Variants in POLN observed in about 807,000 individuals in gnomAD.
POLN encodes DNA polymerase nu.
In POLN, 108 loss-of-function variants were observed where a neutral mutation model predicts 113.5. That is an observed-to-expected ratio of 0.95 (90% confidence interval 0.81 to 1.12). The LOEUF (loss-of-function observed/expected upper bound fraction) is 1.12. Ranked by LOEUF, POLN falls within the 50% of genes most tolerant of loss-of-function variation. POLN has a pLI of 0.00. For missense variants in POLN, 1,097 were observed against 1,077.1 expected (o/e 1.02, Z -0.26); for synonymous variants, 386 against 391.5 (o/e 0.99, Z 0.17).
chr4:2,107,160 G>C (rs1448250337), intron 19 of POLN, among the ~76,000 whole-genome samples: 1 of 152,006 alleles, frequency 6.6e-6, no homozygotes, highest in East Asian at 1.9e-4. Flanking sequence ...TATTTAGGGA[G>C]GTAATTTCTG....
At chr4:2,136,640 AGTGG>A (rs1731865187) in intron 16 of POLN, among the ~76,000 whole-genome samples, 2 of 152,246 alleles carry the variant, frequency 1.3e-5, no homozygotes, top group Non-Finnish European at 2.9e-5. Context: ...AGTAGCTGTT[AGTGG>A]AATGCTATGC....
intron 7 of POLN, among the ~76,000 whole-genome samples, chr4:2,182,062 G>A (rs550935661): frequency 2.0e-5 from 3 of 151,938 alleles, no homozygotes; most frequent in Non-Finnish European, 2.9e-5. Context: ...ATACAGCGTA[G>A]TATCGACACA....
At chr4:2,157,983 G>A (rs531888596) in intron 14 of POLN, 72 bp from the exon 15 acceptor site, 43 of 1,221,680 alleles carry the variant, frequency 3.5e-5, no homozygotes, top group African/African-American at 6.1e-5. Flanking sequence ...AAGGAGTCTC[G>A]CTCCATTGCC....
At chr4:2,134,351 T>C (rs1337861158) in intron 16 of POLN, among the ~76,000 whole-genome samples, 2 of 152,208 alleles carry the variant, frequency 1.3e-5, no homozygotes, top group Non-Finnish European at 2.9e-5. Context: ...TGGACATAAG[T>C]TTTCAAATTA....
chr4:2,170,644 TTC>T (rs1452455878), intron 13 of POLN, 33 bp downstream of exon 13: 1 of 1,567,350 alleles, frequency 6.4e-7, no homozygotes, highest in East Asian at 2.2e-5. Context: ...CATGCTGTCA[TTC>T]TAAAAAGAAA....
chr4:2,156,790 G>C lies in POLN; in HGVS notation c.1729C>G (p.Pro577Ala). 1 of 1,610,974 alleles carries C rather than the reference G, an allele frequency of 6.2e-7. No individual in the cohort carries two copies. The highest frequency in any genetic ancestry group is 8.5e-7 in the Non-Finnish European group (1 of 1,177,032). The change falls in exon 16 of 26, where the codon CCT becomes GCT. Residue 577 changes from proline to alanine, a missense_variant and splice_region_variant. Pro to Ala is a conservative substitution (Grantham distance 27). Coordinates refer to ENST00000511885, the MANE Select transcript of POLN (RefSeq NM_181808.4). The stretch of plus-strand genomic sequence containing the variant: ...AGACAGTTGTTTAAACAACTTACAG[G>C]ATGCTTGGCTGAAAGTCTTCCAGTC... The part of the protein sequence containing the change: ...TVTGRLSAKH[P>A]NIQGISKHPI...
rs1577799069 is a variant in POLN, at chr4:2,236,758, G to C, written c.-13+4762C>G. 2.0e-5 allele frequency among the ~76,000 whole-genome samples: 3 copies of C among 152,014 alleles called. No individual in the cohort carries two copies. In the South Asian group the frequency reaches 6.2e-4, roughly 32 times the overall value. On this transcript the variant is annotated intron_variant, in intron 2 of 25. Transcript: ENST00000511885. ...TGCACCTATAGTCCCAGATACTCCG[G>C]AGGCTGAGGCAGGAGGATTGCTTGA...
intron 16 of POLN, among the ~76,000 whole-genome samples, chr4:2,151,829 T>C (rs762329803): frequency 6.6e-6 from 1 of 151,148 alleles, no homozygotes; most frequent in Non-Finnish European, 1.5e-5. Context: ...AGATGAGGAG[T>C]GGGGAGGGAG....
chr4:2,176,168 G>C (rs574680553), intron 9 of POLN, 98 bp downstream of exon 9: 6 of 948,642 alleles, frequency 6.3e-6, no homozygotes, highest in Non-Finnish European at 1.0e-5. Context: ...TCAACGTTTC[G>C]TTTCCTTCAC....
At chr4:2,176,483 C>T (rs752230256) in intron 8 of POLN, 149 bp from the exon 9 acceptor site, 2 of 599,224 alleles carry the variant, frequency 3.3e-6, no homozygotes, top group East Asian at 3.2e-5. Flanking sequence ...GTAGTATCAC[C>T]AAACACCTCG....
intron 6 of POLN, among the ~76,000 whole-genome samples, chr4:2,194,759 C>T (rs1330716467): frequency 6.6e-6 from 1 of 152,048 alleles, no homozygotes; most frequent in East Asian, 1.9e-4. Flanking sequence ...TGGTGCATGC[C>T]TGTAGTCCTA....
chr4:2,091,907 C>T (rs2108697203), intron 20 of POLN, among the ~76,000 whole-genome samples: 1 of 152,322 alleles, frequency 6.6e-6, no homozygotes, highest in East Asian at 1.9e-4. Flanking sequence ...GCTTTCACTC[C>T]TGTTTATGTC....
chr4:2,187,983 G>A (rs988758366), intron 7 of POLN, among the ~76,000 whole-genome samples: 3 of 152,110 alleles, frequency 2.0e-5, no homozygotes, highest in African/African-American at 7.2e-5. Flanking sequence ...GGGTGTGGTA[G>A]AACACACCTA....
chr4:2,145,693 A>G (rs570837944), intron 16 of POLN, among the ~76,000 whole-genome samples: 1 of 152,330 alleles, frequency 6.6e-6, no homozygotes, highest in Admixed American at 6.5e-5. Context: ...ATCACACTGC[A>G]GGTGAGAACA....
intron 8 of POLN, among the ~76,000 whole-genome samples, chr4:2,178,587 C>G (rs34972576): frequency 0.085 from 12,817 of 150,952 alleles, 825 homozygotes; most frequent in African/African-American, 0.17. Flanking sequence ...CTCTAGCAGG[C>G]GAAGGCCTGG....
At position 2,197,025 on chromosome 4, in the gene POLN, G is replaced by A. The variant is rs35388592; in HGVS notation, c.908+1499C>T. 7.1e-4 allele frequency among the ~76,000 whole-genome samples: 108 copies of A among 152,268 alleles called. 1 individual carries two copies. Among genetic ancestry groups the A allele is most frequent in the African/African-American group, 2.5e-3 (105 of 41,538 alleles). On this transcript the variant is annotated intron_variant, in intron 6 of 25. Transcript: ENST00000511885. Reference sequence around the variant, plus strand: ...GAGGTGAGGTTGAAGACAGCGGAGGGGCCAGAGTAAGCAGACCTCGAGGGC... The same window carrying A: ...GAGGTGAGGTTGAAGACAGCGGAGGAGCCAGAGTAAGCAGACCTCGAGGGC...
chr4:2,088,931 G>A, intron 20 of POLN: 1 of 1,100,830 alleles, frequency 9.1e-7, no homozygotes, highest in Non-Finnish European at 1.3e-6. Context: ...AAAAGCTGAA[G>A]GTCTAGCAGC....
intron 7 of POLN, among the ~76,000 whole-genome samples, chr4:2,185,070 A>G (rs1254387667): frequency 6.6e-6 from 1 of 152,258 alleles, no homozygotes; most frequent in African/African-American, 2.4e-5. Context: ...TAGCTAATAA[A>G]TGAAGAAAGC....
chr4:2,212,440 T>A (rs1734015028), intron 4 of POLN, among the ~76,000 whole-genome samples: 1 of 152,194 alleles, frequency 6.6e-6, no homozygotes, highest in African/African-American at 2.4e-5. Context: ...TGTGGTGCAA[T>A]CACAGCTCAC....
Sources: gnomAD v4.1 joint callset for allele counts (sites outside exome capture counted in the v4.1 genomes callset) on GRCh38, gnomAD v4.1.1 for gene constraint, MANE v1.5 for transcripts, NCBI Gene and HGNC (gene_info 2026-07-23, HGNC 2026-07-21) for gene names.